The following DSCAML1 variants were observed in gnomAD, a reference collection of about 807,000 sequenced individuals.
DSCAML1 encodes DS cell adhesion molecule like 1, also known as cell adhesion molecule DSCAML1.
In DSCAML1, 38 loss-of-function variants were observed where a neutral mutation model predicts 200.5. The ratio of observed to expected loss-of-function variants is 0.19; its 90% confidence interval spans 0.15 to 0.25. DSCAML1 has a LOEUF of 0.25. DSCAML1 is among the 10% of genes least tolerant of loss of function. DSCAML1 has a pLI of 1.00. For missense variants in DSCAML1, 2,223 were observed against 2,858.8 expected, an observed-to-expected ratio of 0.78 and a Z score of 5.07; for synonymous variants, 1,215 against 1,165.0, an observed-to-expected ratio of 1.04 and a Z score of -0.87.
chr11:117,473,086 C>T (rs866211640), intron 14 of DSCAML1, among the ~76,000 whole-genome samples: 9 of 152,154 alleles, frequency 5.9e-5, no homozygotes, highest in Admixed American at 2.6e-4. Flanking sequence ...AGTAGAGTAT[C>T]GTGAAAAATT....
chr11:117,468,916 A>T (rs1157662954), intron 16 of DSCAML1, among the ~76,000 whole-genome samples: 2 of 152,208 alleles, frequency 1.3e-5, no homozygotes, highest in African/African-American at 4.8e-5. Context: ...GGAGAGTCAG[A>T]AAGTCACCGT....
In DSCAML1 at chr11:117,587,715, G is replaced by A. The variant is rs1008773589; in HGVS notation, c.512-55193C>T. ...GTGGAAAAGGAAAGGGATGGAAAGT[G>A]TGACTTAGAAATACTTACAAATCCC... On this transcript the variant is annotated intron_variant, in intron 3 of 32. Transcript: ENST00000651296. Among the ~76,000 whole-genome samples the A allele has an allele frequency of 5.9e-5, 9 of 152,324 alleles. No individual in the cohort carries two copies. In the East Asian group the frequency reaches 1.2e-3, roughly 20 times the overall value.
At chr11:117,527,856 G>A (rs1054942461) in intron 4 of DSCAML1, among the ~76,000 whole-genome samples, 9 of 152,140 alleles carry the variant, frequency 5.9e-5, no homozygotes, top group African/African-American at 2.2e-4. Flanking sequence ...TCCAGTGCTC[G>A]TCAGGGGCTG....
At chr11:117,656,901 TATGTC>T (rs1729543668) in intron 3 of DSCAML1, among the ~76,000 whole-genome samples, 1 of 152,234 alleles carries the variant, frequency 6.6e-6, no homozygotes, top group Admixed American at 6.5e-5. Context: ...GTGGCAGTGC[TATGTC>T]ATCTGGCTAT....
chr11:117,700,213 C>T (rs1189295109), intron 3 of DSCAML1, among the ~76,000 whole-genome samples: 1 of 152,194 alleles, frequency 6.6e-6, no homozygotes, highest in African/African-American at 2.4e-5. Context: ...TAACAGTGCT[C>T]TACAATGTTC....
intron 27 of DSCAML1, 36 bp from the exon 28 acceptor site, chr11:117,433,507 G>A: frequency 6.2e-7 from 1 of 1,607,206 alleles, no homozygotes; most frequent in Non-Finnish European, 8.5e-7. Context: ...GGCTGGGTGA[G>A]AATGAAGTTT....
At chr11:117,783,127 C>T (rs915317047) in intron 1 of DSCAML1, among the ~76,000 whole-genome samples, 3 of 152,206 alleles carry the variant, frequency 2.0e-5, no homozygotes, top group Non-Finnish European at 4.4e-5. Context: ...ACACGACACA[C>T]ACACTCCTTC....
rs546489419 is a variant in DSCAML1 at position 117,648,856 on chromosome 11, C to T, written c.512-116334G>A. On this transcript the variant is annotated intron_variant, in intron 3 of 32. Transcript: ENST00000651296. ...CTGCAAAGCCAAATGCTTAGTGCTT[C>T]CTGGGAAGGCAAGTGCCTGCCACAG... is the stretch of plus-strand genomic sequence containing the variant. Among the ~76,000 whole-genome samples the T allele has an allele frequency of 2.6e-5, 4 of 152,236 alleles. No homozygotes were observed. In the East Asian group the frequency reaches 7.7e-4, roughly 29 times the overall value.
At chr11:117,559,895 A>G (rs758420629) in intron 3 of DSCAML1, among the ~76,000 whole-genome samples, 2 of 152,036 alleles carry the variant, frequency 1.3e-5, no homozygotes, top group Non-Finnish European at 2.9e-5. Flanking sequence ...ACAGGAAGGA[A>G]GGGCCTAGAG....
chr11:117,731,088 C>T (rs749556375), intron 3 of DSCAML1, among the ~76,000 whole-genome samples: 35 of 152,098 alleles, frequency 2.3e-4, no homozygotes, highest in Non-Finnish European at 7.4e-5. Flanking sequence ...CTATACAGCT[C>T]TGTGAATATA....
rs2049812792 is a variant in DSCAML1 at position 117,518,165 on chromosome 11, G to T, written c.1510+301C>A. ...TTGGGCCCCAGAGAGATTTGATGGG[G>T]AGGAATGGGCTAGAGGGTAAGAGAA... On this transcript the variant is annotated intron_variant, in intron 7 of 32. Coordinates refer to ENST00000651296, the MANE Select transcript of DSCAML1 (RefSeq NM_020693.4). The surrounding 1 kb of genome is among the most constrained non-coding windows in gnomAD (Gnocchi z 6.3). Among the ~76,000 whole-genome samples, 1 of 152,118 alleles carries T rather than the reference G, an allele frequency of 6.6e-6. No individual in the cohort carries two copies.
At chr11:117,691,170 G>A (rs1242471032) in intron 3 of DSCAML1, among the ~76,000 whole-genome samples, 1 of 152,202 alleles carries the variant, frequency 6.6e-6, no homozygotes, top group African/African-American at 2.4e-5. Context: ...AAAGTGACCA[G>A]TGCCAAGGAT....
At chr11:117,617,976 C>A (rs1591327388) in intron 3 of DSCAML1, among the ~76,000 whole-genome samples, 1 of 152,294 alleles carries the variant, frequency 6.6e-6, no homozygotes, top group African/African-American at 2.4e-5. Context: ...TTGGCAAAGA[C>A]TCGTAATAAA....
intron 3 of DSCAML1, among the ~76,000 whole-genome samples, chr11:117,566,298 T>TCCTTTCTTTTCTTTCTGTCTCTCTTTCTC (rs1490041525): frequency 1.4e-4 from 21 of 151,650 alleles, no homozygotes; most frequent in African/African-American, 4.6e-4. Context: ...AAACCCTACA[T>TCCTTTCTTTTCTTTCTGTCTCTCTTTCTC]CCTTTCTTTT....
Position 117,633,451 on chromosome 11 carries a change from G to T in DSCAML1, c.512-100929C>A, listed in dbSNP as rs370704024. 1.4e-4 allele frequency among the ~76,000 whole-genome samples: 21 copies of T among 152,324 alleles called. No homozygotes were observed. In the South Asian group the frequency reaches 4.1e-3, roughly 30 times the overall value. ...GGGCTCTGAGTGCTCTGAAAACTGG[G>T]TTAAAAATGGCTTGGCTGTACCTAT... On this transcript the variant is annotated intron_variant, in intron 3 of 32. Coordinates refer to ENST00000651296, the MANE Select transcript of DSCAML1 (RefSeq NM_020693.4).
chr11:117,558,297 C>T (rs79574093), intron 3 of DSCAML1, among the ~76,000 whole-genome samples: 449 of 152,256 alleles, frequency 2.9e-3, no homozygotes, highest in Middle Eastern at 0.014. Flanking sequence ...CCTTAAGGGC[C>T]TGCCAGGGTC....
At chr11:117,435,259 ATTC>A (rs1463185566) in intron 27 of DSCAML1, among the ~76,000 whole-genome samples, 2 of 152,240 alleles carry the variant, frequency 1.3e-5, no homozygotes, top group Admixed American at 1.3e-4. Flanking sequence ...CTGCAGGTCT[ATTC>A]TTTAGTGAAT....
intron 21 of DSCAML1, among the ~76,000 whole-genome samples, chr11:117,443,388 G>A (rs1238817457): frequency 1.3e-5 from 2 of 152,246 alleles, no homozygotes; most frequent in African/African-American, 4.8e-5. Context: ...CTAGCCCAGA[G>A]CCTTCCTTCA....
chr11:117,650,052 T>A (rs1286764174), intron 3 of DSCAML1, among the ~76,000 whole-genome samples: 1 of 152,256 alleles, frequency 6.6e-6, no homozygotes, highest in African/African-American at 2.4e-5. Flanking sequence ...TAACTGGGTT[T>A]CAGTTTCCTC....
Sources: allele counts gnomAD v4.1 joint callset (sites outside exome capture counted in the v4.1 genomes callset), GRCh38; gene constraint gnomAD v4.1.1; non-coding constraint Gnocchi (gnomAD v3.1); transcripts MANE v1.5; gene names NCBI Gene and HGNC (gene_info 2026-07-23, HGNC 2026-07-21).